Variants in QSOX1 observed in about 807,000 individuals in gnomAD.
QSOX1 encodes the protein sulfhydryl oxidase 1.
In QSOX1, 40 loss-of-function variants were observed where a neutral mutation model predicts 76.1. The ratio of observed to expected loss-of-function variants is 0.53; its 90% confidence interval spans 0.41 to 0.68. QSOX1 has a LOEUF of 0.68. Among genes scored for constraint, QSOX1 ranks in the 30% least tolerant of loss-of-function variants. QSOX1 has a pLI of 0.00. For synonymous variants in QSOX1, 392 were observed against 413.1 expected, an observed-to-expected ratio of 0.95 and a Z score of 0.62; for missense variants, 931 against 974.3, an observed-to-expected ratio of 0.96 and a Z score of 0.59.
chr1:180,202,049 AG>A lies in QSOX1; in HGVS notation c.*5017del. The A allele has an allele frequency of 6.6e-6, 1 of 152,354 alleles. No individual in the cohort carries two copies. Among genetic ancestry groups the A allele is most frequent in the Non-Finnish European group, 1.5e-5 (1 of 68,086 alleles). 9.4% of individuals were successfully genotyped at this position (152,354 alleles called of 1,614,324 possible). ...ATCACTCCAGGTTGCACTGCTGCCCAGGGGGTTTGTGCCAGGCCTGGGTCAC... is the reference window on the plus strand; with the variant it reads ...ATCACTCCAGGTTGCACTGCTGCCCAGGGGTTTGTGCCAGGCCTGGGTCAC... On this transcript the variant is annotated 3_prime_UTR_variant, in exon 12 of 12. Transcript: ENST00000367602.
In QSOX1 at chr1:180,196,673, A is replaced by T. The variant is rs561189484; in HGVS notation, c.1880A>T (p.Glu627Val). 3 of 1,614,128 alleles carry T rather than the reference A, an allele frequency of 1.9e-6. No individual in the cohort carries two copies. The African/African-American group carries it at 4.0e-5, about 22-fold the overall frequency. The change falls in exon 12 of 12, where the codon GAG becomes GTG. Residue 627 changes from glutamate to valine, a missense_variant. Physicochemically the swap from Glu to Val is moderately radical, Grantham distance 121. Coordinates refer to ENST00000367602, the MANE Select transcript of QSOX1 (RefSeq NM_002826.5). This position sits in a 1 kb window ranked among gnomAD's most constrained non-coding sequence, Gnocchi z 4.1. ...PGQEPPEHMA[E>V]LQRNEQEQPL... ...CAGGAGCCTCCTGAGCACATGGCAG[A>T]GCTTCAGAGGAATGAGCAGGAGCAG...
intron 6 of QSOX1, among the ~76,000 whole-genome samples, 165 bp downstream of exon 6, chr1:180,182,484 G>T (rs534706027): frequency 1.3e-5 from 2 of 152,290 alleles, no homozygotes; most frequent in African/African-American, 4.8e-5. Context: ...CGCCTCCACC[G>T]TCAGGAGCCT....
chr1:180,179,953 C>T (rs1662988558), intron 5 of QSOX1, among the ~76,000 whole-genome samples: 1 of 152,208 alleles, frequency 6.6e-6, no homozygotes, highest in Admixed American at 6.5e-5. Context: ...TGATTGGAAT[C>T]AGGTCTTTTC....
rs547932861 is a variant in QSOX1, at chr1:180,192,278, G to A, written c.1288+1698G>A. On this transcript the variant is annotated intron_variant, in intron 10 of 11. Coordinates refer to ENST00000367602, the MANE Select transcript of QSOX1 (RefSeq NM_002826.5). ...GGAGGTGAGGCTGCAGAGACAGGCCGGGGGCGGAGGTGAGCGCTCATGGGC... is the reference window on the plus strand; with the variant it reads ...GGAGGTGAGGCTGCAGAGACAGGCCAGGGGCGGAGGTGAGCGCTCATGGGC... 2.6e-5 allele frequency among the ~76,000 whole-genome samples: 4 copies of A among 152,256 alleles called. No individual in the cohort carries two copies. The South Asian group carries it at 6.2e-4, about 24-fold the overall frequency.
chr1:180,154,873 G>C lies in QSOX1; in HGVS notation c.-35G>C, dbSNP rs1662333350. 3 of 1,354,164 alleles carry C rather than the reference G, an allele frequency of 2.2e-6. No homozygotes were observed. The highest frequency in any genetic ancestry group is 3.5e-5 in the South Asian group (2 of 57,958). The allele number at this position is 1,354,164 out of a possible 1,614,324, so 83.9% of individuals were successfully genotyped here. ...CGCGGCGCCGGGACCCGACTCATCC[G>C]GTGCTTGCGTGTGGTGGTGAGCGCA... On this transcript the variant is annotated 5_prime_UTR_variant, in exon 1 of 12. Coordinates refer to ENST00000367602, the MANE Select transcript of QSOX1 (RefSeq NM_002826.5).
intron 11 of QSOX1, among the ~76,000 whole-genome samples, chr1:180,195,183 C>T (rs1012987228): frequency 6.6e-6 from 1 of 152,140 alleles, no homozygotes; most frequent in African/African-American, 2.4e-5. Flanking sequence ...CCCTTCAGCC[C>T]CTTGACCTCG....
At chr1:180,155,269 TC>T in intron 1 of QSOX1, 97 bp downstream of exon 1, 2 of 1,112,800 alleles carry the variant, frequency 1.8e-6, no homozygotes, top group Non-Finnish European at 2.4e-6. Flanking sequence ...GCGTCCCTCT[TC>T]CAGTCACCTC....
In QSOX1 at chr1:180,196,469, C is replaced by T; in HGVS notation, c.1676C>T (p.Ala559Val). 1.2e-6 allele frequency: 2 copies of T among 1,613,954 alleles called. No homozygotes were observed. Among genetic ancestry groups the T allele is most frequent in the South Asian group, 2.2e-5 (2 of 91,084 alleles). ...SAARRDVQNV[A>V]AAPELAMGAL... is the part of the protein sequence containing the mutation. ...GCCCGGAGGGATGTGCAGAATGTGG[C>T]AGCCGCCCCAGAGCTGGCGATGGGA... is the stretch of plus-strand genomic sequence containing the variant. Residue 559 changes from alanine (A) to valine (V), a missense_variant, in exon 12 of 12, where the codon GCA (alanine) becomes GTA (valine). Ala to Val is a moderately conservative substitution (Grantham distance 64). Coordinates refer to ENST00000367602, the MANE Select transcript of QSOX1 (RefSeq NM_002826.5). The surrounding 1 kb of genome is among the most constrained non-coding windows in gnomAD (Gnocchi z 4.1).
In QSOX1 at chr1:180,198,285, G is replaced by T. The variant is rs564063215; in HGVS notation, c.*1248G>T. 1 of 456,672 alleles carries T rather than the reference G, an allele frequency of 2.2e-6. No homozygotes were observed. Among genetic ancestry groups the T allele is most frequent in the East Asian group, 7.0e-5 (1 of 14,380 alleles). 28.3% of individuals were successfully genotyped at this position (456,672 alleles called of 1,614,324 possible). Reference sequence around the variant, plus strand: ...CCTCCCTGAGAGCTCCTGCCTCAGTGCCCTGGGCTGGTGAGGGAGAAGCCT... The same window carrying T: ...CCTCCCTGAGAGCTCCTGCCTCAGTTCCCTGGGCTGGTGAGGGAGAAGCCT... On this transcript the variant is annotated 3_prime_UTR_variant, in exon 12 of 12. Transcript: ENST00000367602.
At position 180,183,880 on chromosome 1, in the gene QSOX1, T is replaced by C. The variant is rs771411714; in HGVS notation, c.753-36T>C. On this transcript the variant is annotated intron_variant, in intron 6 of 11. Transcript: ENST00000367602. ...TTAGCTCTAATCTTGTTCTCTGCAC[T>C]TACTGCCTCTCCTCCCTGGTTCTGT... 6 of 1,595,198 alleles carry C rather than the reference T, an allele frequency of 3.8e-6. No individual in the cohort carries two copies. The East Asian group carries it at 1.3e-4, about 36-fold the overall frequency.
At chr1:180,189,497 G>A in intron 8 of QSOX1, 55 bp from the exon 9 acceptor site, 2 of 1,504,514 alleles carry the variant, frequency 1.3e-6, no homozygotes, top group Non-Finnish European at 1.8e-6. Context: ...CTGCAGGACG[G>A]GGAACTTGGG....
chr1:180,181,857 T>C (rs528380695), intron 5 of QSOX1, among the ~76,000 whole-genome samples: 120 of 152,336 alleles, frequency 7.9e-4, no homozygotes, highest in Middle Eastern at 6.8e-3. Context: ...CACATTTTAT[T>C]GTGCTCTTTA....
At chr1:180,158,613 C>T (rs3842829) in intron 1 of QSOX1, among the ~76,000 whole-genome samples, 98,333 of 151,928 alleles carry the variant, frequency 0.65, 33,856 homozygotes, top group Non-Finnish European at 0.76. Context: ...GAGTTGGTGA[C>T]CGCATAGTGC....
intron 1 of QSOX1, among the ~76,000 whole-genome samples, chr1:180,161,182 A>G (rs926940569): frequency 6.6e-6 from 1 of 152,228 alleles, no homozygotes; most frequent in African/African-American, 2.4e-5. Context: ...AATAAAATAA[A>G]TAAAATAAAA....
intron 1 of QSOX1, among the ~76,000 whole-genome samples, chr1:180,159,983 G>A (rs545939141): frequency 9.2e-5 from 14 of 152,284 alleles, no homozygotes; most frequent in South Asian, 2.1e-4. Context: ...ATAGGTTAAG[G>A]TGTCCTCATT....
At chr1:180,163,049 A>G (rs1662529979) in intron 1 of QSOX1, among the ~76,000 whole-genome samples, 1 of 152,074 alleles carries the variant, frequency 6.6e-6, no homozygotes, top group African/African-American at 2.4e-5. Flanking sequence ...TTAAGAACAG[A>G]TCAATACTTC....
intron 10 of QSOX1, among the ~76,000 whole-genome samples, chr1:180,192,915 G>A (rs1363516065): frequency 6.6e-6 from 1 of 152,160 alleles, no homozygotes; most frequent in South Asian, 2.1e-4. Context: ...GAGGCTGAAC[G>A]GGGGAGGCCA....
intron 10 of QSOX1, among the ~76,000 whole-genome samples, chr1:180,191,073 T>C (rs947913091): frequency 9.2e-5 from 14 of 152,176 alleles, no homozygotes; most frequent in African/African-American, 2.9e-4. Context: ...CCTCGGATTG[T>C]CCACAAACTG....
chr1:180,155,284 C>A, intron 1 of QSOX1, 112 bp downstream of exon 1: 1 of 998,004 alleles, frequency 1.0e-6, no homozygotes, highest in Non-Finnish European at 1.4e-6. Context: ...TCACCTCCGC[C>A]CACCTCTTCC....
Sources: allele counts gnomAD v4.1 joint callset (sites outside exome capture counted in the v4.1 genomes callset), GRCh38; gene constraint gnomAD v4.1.1; non-coding constraint Gnocchi (gnomAD v3.1); transcripts MANE v1.5; gene names NCBI Gene and HGNC (gene_info 2026-07-23, HGNC 2026-07-21).